Variants in EYS observed in about 807,000 individuals in gnomAD.
The protein encoded by EYS is protein eyes shut homolog.
In EYS, 250 loss-of-function variants were observed where a neutral mutation model predicts 282.1. The ratio of observed to expected loss-of-function variants is 0.89; its 90% confidence interval spans 0.80 to 0.98. The LOEUF (loss-of-function observed/expected upper bound fraction) is 0.98. Among genes scored for constraint, EYS ranks in the 50% least tolerant of loss-of-function variants. The probability of loss-of-function intolerance (pLI) is 0.00; values close to 1 mark genes in which losing one functional copy is unlikely to be tolerated. For missense variants in EYS, 4,016 were observed against 3,709.0 expected (o/e 1.08, Z -2.15); for synonymous variants, 1,355 against 1,282.9 (o/e 1.06, Z -1.20).
intron 28 of EYS, among the ~76,000 whole-genome samples, chr6:64,433,625 G>A (rs1417050810): frequency 1.3e-5 from 2 of 151,892 alleles, no homozygotes; most frequent in African/African-American, 2.4e-5. Context: ...AAGAAGCAAT[G>A]GTGTATGTAA....
At chr6:63,900,702 C>G (rs993289870) in intron 35 of EYS, among the ~76,000 whole-genome samples, 24 of 152,092 alleles carry the variant, frequency 1.6e-4, no homozygotes, top group African/African-American at 5.6e-4. Flanking sequence ...AAATGGAAGG[C>G]TTATTGGCTT....
At chr6:65,671,519 G>A (rs565441570) in intron 1 of EYS, among the ~76,000 whole-genome samples, 270 of 152,058 alleles carry the variant, frequency 1.8e-3, no homozygotes, top group Non-Finnish European at 3.2e-3. Context: ...ATTCTGACAG[G>A]CTTTCTTGAC....
chr6:64,658,892 T>G (rs1241101551), intron 22 of EYS, among the ~76,000 whole-genome samples: 2 of 152,190 alleles, frequency 1.3e-5, no homozygotes, highest in Non-Finnish European at 2.9e-5. Flanking sequence ...GTGGACCTAA[T>G]AGACATCTTC....
At chr6:65,603,683 C>T (rs1243492831) in intron 2 of EYS, among the ~76,000 whole-genome samples, 2 of 151,574 alleles carry the variant, frequency 1.3e-5, no homozygotes, top group Admixed American at 6.6e-5. Context: ...TTTTGTAAAC[C>T]CCAGAGCTTT....
At chr6:64,640,490 G>T (rs1445720335) in intron 22 of EYS, among the ~76,000 whole-genome samples, 4 of 151,008 alleles carry the variant, frequency 2.6e-5, no homozygotes, top group Admixed American at 1.3e-4. Flanking sequence ...AACACCACAT[G>T]TTCTCACTCA....
Position 65,584,806 on chromosome 6 carries a change from A to G in EYS, c.-333+54972T>C, listed in dbSNP as rs572564198. 1.2e-4 allele frequency among the ~76,000 whole-genome samples: 18 copies of G among 151,470 alleles called. No individual in the cohort carries two copies. In the South Asian group the frequency reaches 3.7e-3, roughly 31 times the overall value. On this transcript the variant is annotated intron_variant, in intron 2 of 42. Transcript: ENST00000503581. Reference sequence around the variant, plus strand: ...AAATCACTTCTAAAGCATGAATAATATATATGTCTTTTACACATGCATGTA... The same window carrying G: ...AAATCACTTCTAAAGCATGAATAATGTATATGTCTTTTACACATGCATGTA...
chr6:63,880,884 T>C (rs1773114912), intron 35 of EYS, among the ~76,000 whole-genome samples: 1 of 152,224 alleles, frequency 6.6e-6, no homozygotes, highest in African/African-American at 2.4e-5. Context: ...GTGCTATTTC[T>C]TTAAAAGCCA....
chr6:64,430,366 G>A (rs556122832), intron 28 of EYS, among the ~76,000 whole-genome samples: 44 of 152,106 alleles, frequency 2.9e-4, no homozygotes, highest in South Asian at 1.5e-3. Context: ...GTGAATCCTG[G>A]AGTAGTTTAA....
chr6:63,754,709 A>G (rs920744916), intron 41 of EYS, among the ~76,000 whole-genome samples: 1 of 152,172 alleles, frequency 6.6e-6, no homozygotes, highest in Non-Finnish European at 1.5e-5. Flanking sequence ...ATATACCCAG[A>G]AATGGGATTG....
intron 31 of EYS, among the ~76,000 whole-genome samples, chr6:64,209,687 G>A (rs1027865715): frequency 1.3e-5 from 2 of 151,982 alleles, no homozygotes; most frequent in Non-Finnish European, 2.9e-5. Flanking sequence ...CCCTCCCTCT[G>A]CTTTTAGAAC....
chr6:65,525,604 G>T (rs1047379297), intron 2 of EYS, among the ~76,000 whole-genome samples: 1 of 152,172 alleles, frequency 6.6e-6, no homozygotes, highest in East Asian at 1.9e-4. Context: ...TCTAACAAAG[G>T]TATTGTTAGT....
intron 2 of EYS, among the ~76,000 whole-genome samples, chr6:65,618,447 A>G (rs180870397): frequency 6.6e-6 from 1 of 152,294 alleles, no homozygotes; most frequent in East Asian, 1.9e-4. Flanking sequence ...TAGATTCTGG[A>G]TATTAGCCCT....
At chr6:64,258,296 C>A (rs2057161) in intron 30 of EYS, among the ~76,000 whole-genome samples, 1 of 151,760 alleles carries the variant, frequency 6.6e-6, no homozygotes, top group African/African-American at 2.4e-5. Context: ...TGCAAATAAA[C>A]CTCCTGCAGT....
intron 31 of EYS, among the ~76,000 whole-genome samples, chr6:64,217,716 C>A (rs1323324488): frequency 1.3e-5 from 2 of 152,060 alleles, no homozygotes; most frequent in Admixed American, 6.6e-5. Flanking sequence ...GTGATAACTA[C>A]CTCCCCTTCT....
chr6:64,054,784 A>G (rs1056843846), intron 33 of EYS, among the ~76,000 whole-genome samples: 7 of 152,182 alleles, frequency 4.6e-5, no homozygotes, highest in East Asian at 1.9e-4. Flanking sequence ...ACTACCCCTT[A>G]AAGATATTAT....
At chr6:65,429,647 A>C (rs547137481) in intron 5 of EYS, among the ~76,000 whole-genome samples, 1 of 152,292 alleles carries the variant, frequency 6.6e-6, no homozygotes, top group Non-Finnish European at 1.5e-5. Flanking sequence ...CACTATAAAC[A>C]AAGTGATATT....
chr6:65,505,285 CCTCT>C (rs34808242), intron 2 of EYS, among the ~76,000 whole-genome samples: 27,260 of 151,330 alleles, frequency 0.18, 2,867 homozygotes, highest in East Asian at 0.27. Flanking sequence ...TAACTTGTGT[CCTCT>C]CTCTCTTTTC....
chr6:64,465,057 G>C (rs1775872296), intron 26 of EYS, among the ~76,000 whole-genome samples: 1 of 151,598 alleles, frequency 6.6e-6, no homozygotes, highest in Admixed American at 6.6e-5. Context: ...TTTAATAAAA[G>C]AGATAAAAGA....
At chr6:65,387,595 T>C (rs1207108238) in intron 7 of EYS, among the ~76,000 whole-genome samples, 1 of 152,020 alleles carries the variant, frequency 6.6e-6, no homozygotes, top group East Asian at 1.9e-4. Context: ...AAGAGTTAAC[T>C]TCAAATTGGA....
Sources: allele counts gnomAD v4.1 joint callset (sites outside exome capture counted in the v4.1 genomes callset), GRCh38; gene constraint gnomAD v4.1.1; transcripts MANE v1.5; gene names NCBI Gene and HGNC (gene_info 2026-07-23, HGNC 2026-07-21).